Variants in PLXDC2 observed in about 807,000 individuals in gnomAD.
The protein encoded by PLXDC2 is plexin domain containing 2, also known as plexin domain-containing protein 2.
A neutral mutation model predicts 68.9 loss-of-function variants in PLXDC2; 40 were observed. The observed-to-expected ratio is 0.58, with a 90% CI of 0.45 to 0.76. The LOEUF (loss-of-function observed/expected upper bound fraction) is 0.76, where lower values mean the gene tolerates loss of function less well. PLXDC2 is among the 30% of genes least tolerant of loss of function. The pLI is 0.00. For missense variants in PLXDC2, 644 were observed against 661.9 expected (o/e 0.97, Z 0.30); for synonymous variants, 243 against 234.2 (o/e 1.04, Z -0.34).
intron 3 of PLXDC2, among the ~76,000 whole-genome samples, chr10:20,059,408 T>A (rs1028770807): frequency 6.6e-6 from 1 of 152,208 alleles, no homozygotes; most frequent in Admixed American, 6.5e-5. Flanking sequence ...TCAAAAGATA[T>A]GGTGATTGTT....
chr10:19,883,698 A>T (rs1247853959), intron 1 of PLXDC2, among the ~76,000 whole-genome samples: 2 of 123,830 alleles, frequency 1.6e-5, no homozygotes, highest in Non-Finnish European at 3.6e-5. Flanking sequence ...TTCAGACTTG[A>T]AAAAAAAATT....
intron 4 of PLXDC2, among the ~76,000 whole-genome samples, chr10:20,132,335 C>T (rs972975043): frequency 3.4e-4 from 51 of 152,000 alleles, no homozygotes; most frequent in Admixed American, 3.3e-3. Flanking sequence ...TTGGATGAAA[C>T]GTTCTATATA....
chr10:20,158,153 AT>A (rs2131808011), intron 6 of PLXDC2, among the ~76,000 whole-genome samples: 1 of 152,230 alleles, frequency 6.6e-6, no homozygotes, highest in South Asian at 2.1e-4. Context: ...CTCACGAGAC[AT>A]TTTGAGGATG....
At chr10:20,215,538 T>C (rs1835125199) in intron 10 of PLXDC2, among the ~76,000 whole-genome samples, 1 of 151,950 alleles carries the variant, frequency 6.6e-6, no homozygotes, top group African/African-American at 2.4e-5. Context: ...AGATTAGGCA[T>C]GCTTGTGTAC....
At chr10:19,847,280 A>G (rs574719015) in intron 1 of PLXDC2, among the ~76,000 whole-genome samples, 1 of 152,234 alleles carries the variant, frequency 6.6e-6, no homozygotes. Context: ...TAGAGGGTAG[A>G]GAAAAGTCCA....
chr10:19,870,854 C>T (rs1323902884), intron 1 of PLXDC2, among the ~76,000 whole-genome samples: 1 of 152,202 alleles, frequency 6.6e-6, no homozygotes, highest in Non-Finnish European at 1.5e-5. Flanking sequence ...GCTTGCTGTG[C>T]ACTGGATTCT....
intron 12 of PLXDC2, among the ~76,000 whole-genome samples, chr10:20,224,001 G>A (rs1429940437): frequency 6.9e-6 from 1 of 144,268 alleles, no homozygotes; most frequent in Admixed American, 6.9e-5. Context: ...TTGAGATAGG[G>A]TCTCACTTTG....
At chr10:19,976,305 C>T (rs1013763869) in intron 1 of PLXDC2, among the ~76,000 whole-genome samples, 6 of 152,020 alleles carry the variant, frequency 3.9e-5, no homozygotes, top group African/African-American at 7.2e-5. Context: ...CCTCTGCCTC[C>T]GAGGTTCAAG....
intron 1 of PLXDC2, among the ~76,000 whole-genome samples, chr10:19,995,376 A>C (rs932180589): frequency 2.0e-5 from 3 of 152,204 alleles, no homozygotes; most frequent in Non-Finnish European, 2.9e-5. Flanking sequence ...GTTTTCAGCA[A>C]TGAATTGTTA....
chr10:20,165,422 T>G (rs1834361311), intron 7 of PLXDC2, among the ~76,000 whole-genome samples: 1 of 151,920 alleles, frequency 6.6e-6, no homozygotes, highest in Non-Finnish European at 1.5e-5. Flanking sequence ...ATGCTATCCC[T>G]CCCCTTTCCC....
intron 2 of PLXDC2, among the ~76,000 whole-genome samples, chr10:20,016,592 G>A (rs892856283): frequency 7.9e-5 from 12 of 152,190 alleles, no homozygotes; most frequent in African/African-American, 2.9e-4. Flanking sequence ...TAGTTACAGA[G>A]GGAATGAGAA....
chr10:20,042,221 G>T (rs1835695446), intron 2 of PLXDC2, among the ~76,000 whole-genome samples: 1 of 151,968 alleles, frequency 6.6e-6, no homozygotes, highest in Non-Finnish European at 1.5e-5. Context: ...CTCTCCTGTT[G>T]TTATTTCATC....
intron 1 of PLXDC2, among the ~76,000 whole-genome samples, chr10:19,877,626 G>A (rs1027528623): frequency 6.6e-6 from 1 of 152,208 alleles, no homozygotes; most frequent in African/African-American, 2.4e-5. Context: ...ATGTATCCAA[G>A]GGCCATGCCC....
intron 1 of PLXDC2, among the ~76,000 whole-genome samples, chr10:19,858,400 C>T (rs1038086239): frequency 3.3e-5 from 5 of 152,094 alleles, no homozygotes; most frequent in Non-Finnish European, 5.9e-5. Context: ...TAGTGTTCAA[C>T]GAATACTTGT....
intron 1 of PLXDC2, among the ~76,000 whole-genome samples, chr10:19,986,977 G>A (rs1240733456): frequency 6.6e-6 from 1 of 152,226 alleles, no homozygotes; most frequent in Non-Finnish European, 1.5e-5. Flanking sequence ...GAAGTGGGAA[G>A]TGGTTGTGGG....
chr10:19,834,692 A>T (rs191383731), intron 1 of PLXDC2, among the ~76,000 whole-genome samples: 1 of 152,338 alleles, frequency 6.6e-6, no homozygotes, highest in African/African-American at 2.4e-5. Flanking sequence ...TGACATTAAT[A>T]TGCTGTTAGG....
intron 1 of PLXDC2, among the ~76,000 whole-genome samples, chr10:19,917,917 G>A (rs1044615835): frequency 6.6e-6 from 1 of 152,156 alleles, no homozygotes; most frequent in African/African-American, 2.4e-5. Flanking sequence ...GAACCTATTT[G>A]CAAAGTTCAC....
At chr10:19,860,700 C>T (rs776705238) in intron 1 of PLXDC2, among the ~76,000 whole-genome samples, 5 of 152,188 alleles carry the variant, frequency 3.3e-5, no homozygotes, top group Non-Finnish European at 7.3e-5. Context: ...AGACCAGATC[C>T]TCACTAAATA....
intron 1 of PLXDC2, among the ~76,000 whole-genome samples, chr10:19,946,947 C>T (rs1833911622): frequency 6.6e-6 from 1 of 152,112 alleles, no homozygotes; most frequent in African/African-American, 2.4e-5. Flanking sequence ...TGCTGTGCAG[C>T]CTGGTCCCTA....
Sources: gnomAD v4.1 joint callset for allele counts (sites outside exome capture counted in the v4.1 genomes callset) on GRCh38, gnomAD v4.1.1 for gene constraint, MANE v1.5 for transcripts, NCBI Gene and HGNC (gene_info 2026-07-23, HGNC 2026-07-21) for gene names.